Variants in GRM8 observed in about 807,000 individuals in gnomAD.
GRM8 encodes metabotropic glutamate receptor 8.
Under a neutral mutation model 87.2 loss-of-function variants are expected in GRM8, and 47 were observed. The observed-to-expected ratio is 0.54, with a 90% CI of 0.43 to 0.69. The LOEUF is 0.69. Ranked by LOEUF, GRM8 falls within the 30% of genes least tolerant of loss-of-function variation. GRM8 has a pLI of 0.00. For synonymous variants in GRM8, 396 were observed against 404.5 expected (o/e 0.98, Z 0.25); for missense variants, 1,019 against 1,139.2 (o/e 0.89, Z 1.52).
At chr7:126,484,858 T>C (rs971482085) in intron 9 of GRM8, among the ~76,000 whole-genome samples, 1 of 150,488 alleles carries the variant, frequency 6.6e-6, no homozygotes, top group African/African-American at 2.4e-5. Flanking sequence ...TGTGCTAGCA[T>C]GGATCTATCG....
intron 7 of GRM8, among the ~76,000 whole-genome samples, chr7:126,630,586 A>C (rs1354863560): frequency 6.6e-6 from 1 of 152,116 alleles, no homozygotes; most frequent in Admixed American, 6.6e-5. Context: ...ACAACAAAAA[A>C]CTTCAGGCCA....
At chr7:127,168,544 C>T (rs915957487) in intron 2 of GRM8, among the ~76,000 whole-genome samples, 2 of 152,104 alleles carry the variant, frequency 1.3e-5, no homozygotes, top group African/African-American at 4.8e-5. Flanking sequence ...TATAAAGACA[C>T]ATTCACATGC....
At chr7:126,863,366 T>C (rs1317650959) in intron 6 of GRM8, among the ~76,000 whole-genome samples, 1 of 152,156 alleles carries the variant, frequency 6.6e-6, no homozygotes, top group East Asian at 1.9e-4. Context: ...ACTAACATTT[T>C]TCAAGTATTT....
intron 3 of GRM8, among the ~76,000 whole-genome samples, chr7:126,909,649 T>C (rs1270302155): frequency 6.6e-6 from 1 of 152,236 alleles, no homozygotes; most frequent in Non-Finnish European, 1.5e-5. Flanking sequence ...TTTTTTTTCC[T>C]TCTGGTTACT....
At chr7:126,832,774 T>C (rs1162999980) in intron 6 of GRM8, among the ~76,000 whole-genome samples, 2 of 152,224 alleles carry the variant, frequency 1.3e-5, no homozygotes, top group Non-Finnish European at 2.9e-5. Context: ...TATTAGTTTA[T>C]TTTTCTAAAG....
intron 2 of GRM8, among the ~76,000 whole-genome samples, chr7:127,175,316 A>T (rs17862311): frequency 6.6e-6 from 1 of 152,072 alleles, no homozygotes; most frequent in East Asian, 1.9e-4. Flanking sequence ...AAACTTCAAG[A>T]ACTAAAATGC....
At chr7:126,853,756 C>T (rs1797435287) in intron 6 of GRM8, among the ~76,000 whole-genome samples, 1 of 152,156 alleles carries the variant, frequency 6.6e-6, no homozygotes, top group African/African-American at 2.4e-5. Flanking sequence ...GGGCCATATG[C>T]CTGGAGGTGT....
chr7:127,111,434 C>T (rs762319416), intron 2 of GRM8, among the ~76,000 whole-genome samples: 19 of 152,166 alleles, frequency 1.2e-4, no homozygotes, highest in Non-Finnish European at 2.6e-4. Context: ...AACGTGACTA[C>T]ATTTCCTGGC....
chr7:126,769,011 C>G (rs1203802562), intron 7 of GRM8, among the ~76,000 whole-genome samples: 1 of 151,656 alleles, frequency 6.6e-6, no homozygotes, highest in African/African-American at 2.4e-5. Context: ...ACGCTGGCAA[C>G]TGAGGTCACT....
At chr7:127,118,559 G>A (rs1031568248) in intron 2 of GRM8, among the ~76,000 whole-genome samples, 31 of 152,222 alleles carry the variant, frequency 2.0e-4, no homozygotes, top group Admixed American at 1.8e-3. Context: ...TGTTCATTTT[G>A]CCAACATTTA....
intron 8 of GRM8, among the ~76,000 whole-genome samples, chr7:126,555,017 C>A (rs1222316769): frequency 6.6e-6 from 1 of 152,112 alleles, no homozygotes; most frequent in Admixed American, 6.5e-5. Flanking sequence ...TTGCCTATAA[C>A]TCAAAATGAA....
At chr7:127,018,382 C>T (rs1053366854) in intron 3 of GRM8, among the ~76,000 whole-genome samples, 2 of 147,562 alleles carry the variant, frequency 1.4e-5, no homozygotes, top group Admixed American at 6.8e-5. Context: ...CAATGGAGAG[C>T]AATAAAGAGC....
In GRM8 at chr7:126,526,052, A is replaced by T. The variant is rs79290446; in HGVS notation, c.2430+6900T>A. Among the ~76,000 whole-genome samples the T allele has an allele frequency of 8.1e-3, 1,235 of 152,258 alleles. 7 individuals are homozygous for T. The highest frequency in any genetic ancestry group is 0.011 in the Non-Finnish European group (750 of 68,006). ...TTAGATTTTTCTTTTACATTTCTCA[A>T]CATAAAAAATATATATATATGTGGT... On this transcript the variant is annotated intron_variant, in intron 9 of 10. Transcript: ENST00000339582.
rs751487766 is a variant in GRM8, at chr7:126,904,072, A to C, written c.918T>G (p.Ile306Met). The C allele has an allele frequency of 9.9e-6, 16 of 1,612,162 alleles. No homozygotes were observed. In the Admixed American group the frequency reaches 2.2e-4, roughly 22 times the overall value. The change falls in exon 5 of 11, where the codon ATT becomes ATG. Residue 306 changes from isoleucine (I) to methionine (M), a missense_variant. Coordinates refer to ENST00000339582, the MANE Select transcript of GRM8 (RefSeq NM_000845.3). ...KLNQSGHFLW[I>M]GSDSWGSKIA... Reference sequence around the variant, plus strand: ...TTTTGGATCCCCAACTATCTGAGCCAATCCAGAGAAAATGCCCACTTTGGT... The same window carrying C: ...TTTTGGATCCCCAACTATCTGAGCCCATCCAGAGAAAATGCCCACTTTGGT...
intron 3 of GRM8, among the ~76,000 whole-genome samples, chr7:127,073,752 C>T (rs952716108): frequency 2.0e-5 from 3 of 152,060 alleles, no homozygotes; most frequent in East Asian, 1.9e-4. Context: ...ATGGAGGGCT[C>T]GAAGAGAGAC....
At chr7:126,664,836 A>G (rs1805591809) in intron 7 of GRM8, among the ~76,000 whole-genome samples, 1 of 152,202 alleles carries the variant, frequency 6.6e-6, no homozygotes, top group African/African-American at 2.4e-5. Flanking sequence ...CAAACTACAG[A>G]ATGGGAGAAA....
Position 126,902,429 on chromosome 7 carries a change from CA to C in GRM8, c.1156+112del, listed in dbSNP as rs1586387081. 1.5e-5 allele frequency: 14 copies of C among 910,398 alleles called. No individual in the cohort carries two copies. In the East Asian group the frequency reaches 3.8e-4, roughly 24 times the overall value. 56.4% of individuals were successfully genotyped at this position (910,398 alleles called of 1,614,324 possible). A position where few individuals can be genotyped will look rare whatever the true frequency, so the allele number is the denominator to read the frequency against. ...CCTGAGACACTATAACAAAAAGACA[CA>C]AAAAATAGAAAATACATTCATCATT... On this transcript the variant is annotated intron_variant, in intron 6 of 10. Transcript: ENST00000339582.
At chr7:126,472,513 A>C (rs1255547559) in intron 9 of GRM8, among the ~76,000 whole-genome samples, 1 of 152,150 alleles carries the variant, frequency 6.6e-6, no homozygotes, top group East Asian at 1.9e-4. Context: ...ATTCACAAAG[A>C]TATGGTTTGG....
At chr7:126,592,434 T>C (rs1403491277) in intron 8 of GRM8, among the ~76,000 whole-genome samples, 1 of 151,998 alleles carries the variant, frequency 6.6e-6, no homozygotes, top group Admixed American at 6.6e-5. Flanking sequence ...TCTTCAGCAT[T>C]ATCAAATGGG....
Sources: allele counts gnomAD v4.1 joint callset (sites outside exome capture counted in the v4.1 genomes callset), GRCh38; gene constraint gnomAD v4.1.1; transcripts MANE v1.5; gene names NCBI Gene and HGNC (gene_info 2026-07-23, HGNC 2026-07-21).